Variants in CTNND2 observed in about 807,000 individuals in gnomAD.
The protein encoded by CTNND2 is catenin delta 2, also known as catenin delta-2.
In CTNND2, 22 loss-of-function variants were observed where a neutral mutation model predicts 144.4. The observed-to-expected ratio is 0.15, with a 90% CI of 0.11 to 0.22. CTNND2 has a LOEUF of 0.22. Among genes scored for constraint, CTNND2 ranks in the 10% least tolerant of loss-of-function variants. The pLI is 1.00. For missense variants in CTNND2, 1,353 were observed against 1,618.8 expected (o/e 0.84, Z 2.82); for synonymous variants, 751 against 695.6 (o/e 1.08, Z -1.25).
chr5:11,250,583 C>A (rs1488753878), intron 9 of CTNND2, among the ~76,000 whole-genome samples: 1 of 145,498 alleles, frequency 6.9e-6, no homozygotes, highest in African/African-American at 2.6e-5. Context: ...GGTGGTGGAT[C>A]GTAGCTCACT....
intron 1 of CTNND2, among the ~76,000 whole-genome samples, chr5:11,832,358 C>T (rs139394428): frequency 6.6e-6 from 1 of 151,960 alleles, no homozygotes; most frequent in East Asian, 1.9e-4. Context: ...AAAGACAAGG[C>T]ACAGTCTGGG....
chr5:11,125,925 T>C (rs983764076), intron 12 of CTNND2, among the ~76,000 whole-genome samples: 1 of 152,232 alleles, frequency 6.6e-6, no homozygotes, highest in Admixed American at 6.5e-5. Flanking sequence ...CTCAGGCAAC[T>C]GGCTTTTACC....
chr5:11,498,485 T>C (rs1770206369), intron 3 of CTNND2, among the ~76,000 whole-genome samples: 1 of 152,180 alleles, frequency 6.6e-6, no homozygotes. Flanking sequence ...CATAAAACAA[T>C]TATTCAGAAT....
At chr5:11,772,770 G>A (rs4370274) in intron 1 of CTNND2, among the ~76,000 whole-genome samples, 131,025 of 152,168 alleles carry the variant, frequency 0.86, 59,178 homozygotes, top group South Asian at 0.99. Context: ...GGGGGAGTCC[G>A]GAAATCTGGG....
chr5:11,577,628 G>C (rs1050628001), intron 2 of CTNND2, among the ~76,000 whole-genome samples: 1 of 152,168 alleles, frequency 6.6e-6, no homozygotes, highest in Non-Finnish European at 1.5e-5. Flanking sequence ...GTGTTTCAGA[G>C]AGCAATTAGA....
At chr5:11,086,017 G>A (rs888061429) in intron 15 of CTNND2, among the ~76,000 whole-genome samples, 2 of 152,160 alleles carry the variant, frequency 1.3e-5, no homozygotes, top group Admixed American at 1.3e-4. Flanking sequence ...GAGGATTCGT[G>A]TAGCCCCAGT....
chr5:11,288,736 G>T (rs1414973461), intron 9 of CTNND2, among the ~76,000 whole-genome samples: 4 of 151,502 alleles, frequency 2.6e-5, no homozygotes, highest in African/African-American at 9.7e-5. Flanking sequence ...TCAGTGGATG[G>T]GATTTATGTC....
intron 9 of CTNND2, among the ~76,000 whole-genome samples, chr5:11,324,986 A>G (rs1752390059): frequency 6.6e-6 from 1 of 151,974 alleles, no homozygotes; most frequent in Non-Finnish European, 1.5e-5. Flanking sequence ...AAAGCCTTAA[A>G]TGGAAATCAA....
Position 11,346,587 on chromosome 5 carries a change from G to A in CTNND2, c.1413C>T (p.Arg471=). 1 of 1,586,776 alleles carries A rather than the reference G, an allele frequency of 6.3e-7. No homozygotes were observed. Among genetic ancestry groups the A allele is most frequent in the Non-Finnish European group, 8.6e-7 (1 of 1,165,906 alleles). Residue 471 remains arginine, a synonymous_variant, in exon 9 of 22, where the codon CGC becomes CGT. Coordinates refer to ENST00000304623, the MANE Select transcript of CTNND2 (RefSeq NM_001332.4). ...SPGVDSVPLQ[R]TGSQHGPQNA... ...TCTGTGGGCCGTGCTGGCTGCCTGT[G>A]CGCTGCAAGGGGACGGAGTCGACAC...
chr5:11,530,166 A>T (rs1773614119), intron 3 of CTNND2, among the ~76,000 whole-genome samples: 1 of 151,452 alleles, frequency 6.6e-6, no homozygotes, highest in Admixed American at 6.6e-5. Context: ...GCACAACTCT[A>T]CTGGGGAAGC....
intron 9 of CTNND2, among the ~76,000 whole-genome samples, chr5:11,308,743 CT>C (rs1205251223): frequency 1.3e-5 from 2 of 152,126 alleles, no homozygotes; most frequent in Non-Finnish European, 2.9e-5. Context: ...TGGCTTGGAC[CT>C]TTCCATTCAG....
intron 2 of CTNND2, among the ~76,000 whole-genome samples, chr5:11,584,876 C>A (rs1364254153): frequency 2.0e-5 from 3 of 152,020 alleles, no homozygotes; most frequent in African/African-American, 7.3e-5. Flanking sequence ...AAAATCCAGG[C>A]CACTGCATCA....
chr5:11,311,954 A>G (rs543852150), intron 9 of CTNND2, among the ~76,000 whole-genome samples: 1 of 137,586 alleles, frequency 7.3e-6, no homozygotes, highest in African/African-American at 2.8e-5. Flanking sequence ...CACACTCCCT[A>G]TATACACCTC....
chr5:11,503,996 A>G lies in CTNND2; in HGVS notation c.287+60948T>C, dbSNP rs1047823589. 3.3e-5 allele frequency among the ~76,000 whole-genome samples: 5 copies of G among 152,382 alleles called. No homozygotes were observed. In the East Asian group the frequency reaches 7.7e-4, roughly 23 times the overall value. ...TGAAATATATTAAATCAGCATTTCCATTTAAGTGGCTTTACTGCTACCTCA... is the reference window on the plus strand; with the variant it reads ...TGAAATATATTAAATCAGCATTTCCGTTTAAGTGGCTTTACTGCTACCTCA... On this transcript the variant is annotated intron_variant, in intron 3 of 21. Transcript: ENST00000304623.
intron 1 of CTNND2, among the ~76,000 whole-genome samples, chr5:11,759,238 T>A (rs764126495): frequency 3.9e-5 from 6 of 151,964 alleles, no homozygotes; most frequent in Non-Finnish European, 8.8e-5. Context: ...AATTGGGAGA[T>A]GAAATTTTAA....
At chr5:11,263,061 C>T (rs1419497476) in intron 9 of CTNND2, among the ~76,000 whole-genome samples, 1 of 152,126 alleles carries the variant, frequency 6.6e-6, no homozygotes, top group Non-Finnish European at 1.5e-5. Context: ...GCAACTTTCA[C>T]CTGAAATGTG....
chr5:11,650,960 AC>A, intron 2 of CTNND2, among the ~76,000 whole-genome samples: 2 of 152,240 alleles, frequency 1.3e-5, no homozygotes, highest in East Asian at 3.9e-4. Flanking sequence ...GAAAAGAAAA[AC>A]CCATTTTCTG....
In CTNND2 at chr5:11,238,885, A is replaced by T. The variant is rs138292588; in HGVS notation, c.1629-2062T>A. The stretch of plus-strand genomic sequence containing the variant: ...TATGTGATCACAGTAGAAAACAATC[A>T]TAGAATTAAAAATGTAAAGCCTGTT... On this transcript the variant is annotated intron_variant, in intron 9 of 21. Transcript: ENST00000304623. 6.9e-3 allele frequency among the ~76,000 whole-genome samples: 1,045 copies of T among 152,346 alleles called. 31 individuals carry two copies. The highest frequency in any genetic ancestry group is 0.042 in the Admixed American group (639 of 15,302).
intron 3 of CTNND2, among the ~76,000 whole-genome samples, chr5:11,489,182 C>T (rs552320256): frequency 3.9e-5 from 6 of 152,288 alleles, no homozygotes; most frequent in Admixed American, 1.3e-4. Context: ...TATAAGAATT[C>T]TACTTGCTCC....
Sources: allele counts gnomAD v4.1 joint callset (sites outside exome capture counted in the v4.1 genomes callset), GRCh38; gene constraint gnomAD v4.1.1; transcripts MANE v1.5; gene names NCBI Gene and HGNC (gene_info 2026-07-23, HGNC 2026-07-21).